TTC6: variants seen among roughly 807,000 people sequenced by gnomAD.
TTC6 encodes the protein tetratricopeptide repeat protein 6.
TTC6 carries 172 observed loss-of-function variants against 210.4 expected under a neutral mutation model. The ratio of observed to expected loss-of-function variants is 0.82; its 90% CI spans 0.72 to 0.93. TTC6 has a LOEUF of 0.93. Among genes scored for constraint, TTC6 ranks in the 40% least tolerant of loss-of-function variants. The pLI is 0.00. For missense variants in TTC6, 2,414 were observed against 2,318.1 expected, an observed-to-expected ratio of 1.04 and a Z score of -0.85; for synonymous variants, 804 against 819.6, an observed-to-expected ratio of 0.98 and a Z score of 0.32.
At chr14:37,648,229 C>T (rs2095705135) in intron 1 of TTC6, among the ~76,000 whole-genome samples, 1 of 152,134 alleles carries the variant, frequency 6.6e-6, no homozygotes, top group South Asian at 2.1e-4. Context: ...CCAAAGGCTG[C>T]TAGAGTTTTA....
At chr14:37,645,776 C>T (rs961557259) in intron 1 of TTC6, among the ~76,000 whole-genome samples, 3 of 152,090 alleles carry the variant, frequency 2.0e-5, no homozygotes, top group African/African-American at 7.2e-5. Flanking sequence ...GATGATGCCA[C>T]AGAGGTAGCC....
At chr14:37,782,517 G>A (rs1389478480) in intron 14 of TTC6, among the ~76,000 whole-genome samples, 2 of 152,002 alleles carry the variant, frequency 1.3e-5, no homozygotes, top group Non-Finnish European at 2.9e-5. Flanking sequence ...TCAGCTTAAG[G>A]AGATTTTGGG....
At chr14:37,676,887 T>G (rs1245962455) in intron 1 of TTC6, among the ~76,000 whole-genome samples, 1 of 152,110 alleles carries the variant, frequency 6.6e-6, no homozygotes, top group African/African-American at 2.4e-5. Context: ...GATGAGTTTA[T>G]TTTTGGGCTT....
At chr14:37,687,376 T>C (rs1321778232) in intron 3 of TTC6, among the ~76,000 whole-genome samples, 1 of 152,072 alleles carries the variant, frequency 6.6e-6, no homozygotes, top group Non-Finnish European at 1.5e-5. Context: ...GCTTGGAGGC[T>C]CCAAATAAAT....
At chr14:37,742,398 TG>T (rs1248585865) in intron 10 of TTC6, among the ~76,000 whole-genome samples, 3 of 145,280 alleles carry the variant, frequency 2.1e-5, no homozygotes, top group South Asian at 4.6e-4. Flanking sequence ...GGTTTTGTTT[TG>T]TTTTTTTGTT....
chr14:37,636,416 G>A (rs979165527), intron 1 of TTC6, among the ~76,000 whole-genome samples: 1 of 152,112 alleles, frequency 6.6e-6, no homozygotes, highest in Non-Finnish European at 1.5e-5. Context: ...AAACTATATA[G>A]ACTGTATTCT....
chr14:37,752,003 T>C (rs2095953742), intron 13 of TTC6, among the ~76,000 whole-genome samples: 1 of 151,906 alleles, frequency 6.6e-6, no homozygotes, highest in Non-Finnish European at 1.5e-5. Flanking sequence ...TTTTTTGTAT[T>C]TTTAGTAGAG....
At chr14:37,621,956 G>A, upstream of TTC6, 1 of 787,044 alleles carries the variant, frequency 1.3e-6, no homozygotes, top group Non-Finnish European at 1.9e-6. Flanking sequence ...CTTATGAGAA[G>A]CTTTGCTGAG....
At chr14:37,727,923 C>T (rs1566914256) in intron 7 of TTC6, among the ~76,000 whole-genome samples, 1 of 152,072 alleles carries the variant, frequency 6.6e-6, no homozygotes, top group Non-Finnish European at 1.5e-5. Context: ...CTAGATATCC[C>T]AATATCTCTC....
rs150940514 is a variant in TTC6, at chr14:37,765,156, A to G, written c.3266+11921A>G. Among the ~76,000 whole-genome samples the G allele has an allele frequency of 1.6e-4, 25 of 151,950 alleles. No individual in the cohort carries two copies. In the East Asian group the frequency reaches 4.5e-3, roughly 27 times the overall value. On this transcript the variant is annotated intron_variant, in intron 14 of 30. Transcript: ENST00000553443. The stretch of plus-strand genomic sequence containing the variant: ...TGTTATTGTTGCAAATTACATCTTT[A>G]TAAATATTAAAAAAATTTTTTTTAG...
At chr14:37,788,786 G>A (rs936879576) in intron 15 of TTC6, among the ~76,000 whole-genome samples, 5 of 152,210 alleles carry the variant, frequency 3.3e-5, no homozygotes, top group Non-Finnish European at 5.9e-5. Context: ...GAATGCTTTA[G>A]GGTTCAGAGG....
At chr14:37,711,702 T>A (rs1226184129) in intron 5 of TTC6, among the ~76,000 whole-genome samples, 1 of 152,092 alleles carries the variant, frequency 6.6e-6, no homozygotes, top group Non-Finnish European at 1.5e-5. Flanking sequence ...ACTGTGTGTG[T>A]AGTCAGTGAG....
chr14:37,831,595 T>C (rs940711545), intron 29 of TTC6, among the ~76,000 whole-genome samples: 1 of 131,134 alleles, frequency 7.6e-6, no homozygotes, highest in Non-Finnish European at 1.7e-5. Flanking sequence ...TGTGTGTGTT[T>C]TTCTTTGTTT....
At chr14:37,751,022 C>A in intron 12 of TTC6, 31 bp from the exon 15 acceptor site, 1 of 1,442,912 alleles carries the variant, frequency 6.9e-7, no homozygotes, top group South Asian at 1.4e-5. Flanking sequence ...AGGATTATAA[C>A]TCCAAATTTT....
At chr14:37,785,191 C>G (rs1350443642) in intron 14 of TTC6, among the ~76,000 whole-genome samples, 2 of 152,152 alleles carry the variant, frequency 1.3e-5, no homozygotes, top group Admixed American at 1.3e-4. Context: ...TGGGGAAGTT[C>G]TCCTGGATAA....
intron 1 of TTC6, among the ~76,000 whole-genome samples, chr14:37,596,755 G>T (rs927045988): frequency 8.1e-6 from 1 of 123,798 alleles, no homozygotes; most frequent in Non-Finnish European, 1.9e-5. Flanking sequence ...TTAAGAATCC[G>T]CAAAATCTTC....
At chr14:37,713,296 A>T (rs995022654) in intron 5 of TTC6, among the ~76,000 whole-genome samples, 1 of 152,212 alleles carries the variant, frequency 6.6e-6, no homozygotes, top group Non-Finnish European at 1.5e-5. Context: ...GTGGATTCCA[A>T]ATAATATCTA....
intron 13 of TTC6, among the ~76,000 whole-genome samples, chr14:37,751,823 C>T (rs367616834): frequency 4.8e-5 from 6 of 125,502 alleles, no homozygotes; most frequent in South Asian, 2.5e-4. Flanking sequence ...AGGAAATGAA[C>T]TTTTTTTTTT....
rs1283301204 is a variant in TTC6 at position 37,651,404 on chromosome 14, TATATATATATATATATATATA to T, written c.939+28402_939+28422del. ...TGTTTATGTTATATATATATATATA[TATATATATATATATATATATA>T]TTTTTTTTTTTTTTTTTTTTTTTTT... On this transcript the variant is annotated intron_variant, in intron 1 of 30. Coordinates refer to ENST00000553443, the Ensembl canonical transcript of TTC6. Among the ~76,000 whole-genome samples the T allele has an allele frequency of 3.4e-3, 61 of 17,960 alleles. 1 individual carries two copies. The highest frequency in any genetic ancestry group is 0.015 in the African/African-American group (52 of 3,422). The allele number at this position is 17,960 out of a possible 152,430, so 11.8% of individuals were successfully genotyped here.
Sources: allele counts gnomAD v4.1 joint callset (sites outside exome capture counted in the v4.1 genomes callset), GRCh38; gene constraint gnomAD v4.1.1; transcripts MANE v1.5; gene names NCBI Gene and HGNC (gene_info 2026-07-23, HGNC 2026-07-21).